ADAMTSL1: variants seen among roughly 807,000 people sequenced by gnomAD.
ADAMTSL1 encodes the protein ADAMTS like 1.
ADAMTSL1 carries 126 observed loss-of-function variants against 201.8 expected under a neutral mutation model. The observed-to-expected ratio is 0.62, with a 90% CI of 0.54 to 0.72. The LOEUF (loss-of-function observed/expected upper bound fraction) is 0.72. Among genes scored for constraint, ADAMTSL1 ranks in the 30% least tolerant of loss-of-function variants. The pLI is 0.00. For synonymous variants in ADAMTSL1, 1,121 were observed against 903.4 expected (o/e 1.24, Z -4.32); for missense variants, 2,679 against 2,277.8 (o/e 1.18, Z -3.59).
rs187713627 is a variant in ADAMTSL1 at position 18,501,101 on chromosome 9, C to G, written c.64-3728C>G. On this transcript the variant is annotated intron_variant, in intron 1 of 28. Transcript: ENST00000380548. Reference sequence around the variant, plus strand: ...GCAATCAGCGTTACTTTTAGGCGACCCATTATCTACTCTTTATTTTTCTTC... The same window carrying G: ...GCAATCAGCGTTACTTTTAGGCGACGCATTATCTACTCTTTATTTTTCTTC... Among the ~76,000 whole-genome samples, 4 of 152,244 alleles carry G rather than the reference C, an allele frequency of 2.6e-5. No homozygotes were observed. In the East Asian group the frequency reaches 5.8e-4, roughly 22 times the overall value.
intron 9 of ADAMTSL1, among the ~76,000 whole-genome samples, chr9:18,670,095 A>T (rs1024913212): frequency 6.6e-6 from 1 of 152,178 alleles, no homozygotes; most frequent in African/African-American, 2.4e-5. Flanking sequence ...GGTTGTCTAG[A>T]GAAGATGGAG....
chr9:18,533,791 G>T (rs893434820), intron 3 of ADAMTSL1, among the ~76,000 whole-genome samples: 9 of 152,206 alleles, frequency 5.9e-5, no homozygotes, highest in African/African-American at 2.2e-4. Context: ...GAAGACAGAT[G>T]TGCATTGCAC....
chr9:18,671,198 G>T (rs961697038), intron 9 of ADAMTSL1, among the ~76,000 whole-genome samples: 3 of 152,168 alleles, frequency 2.0e-5, no homozygotes, highest in African/African-American at 7.2e-5. Context: ...TTAAAAGTGA[G>T]GAGAGGAGTT....
chr9:18,171,539 A>T (rs1827890665), intron 2 of ADAMTSL1, among the ~76,000 whole-genome samples: 1 of 152,096 alleles, frequency 6.6e-6, no homozygotes, highest in African/African-American at 2.4e-5. Flanking sequence ...CTGGCAAAAA[A>T]ATATGTAATA....
intron 13 of ADAMTSL1, among the ~76,000 whole-genome samples, chr9:18,686,221 C>T (rs1348156508): frequency 1.3e-5 from 2 of 152,168 alleles, no homozygotes; most frequent in South Asian, 2.1e-4. Flanking sequence ...GCGCCTGGCC[C>T]GGGAAAACAC....
intron 2 of ADAMTSL1, among the ~76,000 whole-genome samples, chr9:18,249,025 C>T (rs77907068): frequency 0.012 from 1,817 of 152,136 alleles, 48 homozygotes; most frequent in African/African-American, 0.042. Flanking sequence ...GATTGAGCGA[C>T]GATAGACTGA....
At chr9:18,692,755 A>T (rs1831307971) in intron 13 of ADAMTSL1, among the ~76,000 whole-genome samples, 1 of 152,218 alleles carries the variant, frequency 6.6e-6, no homozygotes, top group African/African-American at 2.4e-5. Context: ...AGTCAGGGAA[A>T]ATGTTATGCA....
intron 2 of ADAMTSL1, among the ~76,000 whole-genome samples, chr9:18,341,256 T>C (rs1055907827): frequency 6.6e-6 from 1 of 152,144 alleles, no homozygotes; most frequent in Non-Finnish European, 1.5e-5. Flanking sequence ...TCTTTCAGGC[T>C]CTCTGGTCCA....
intron 2 of ADAMTSL1, among the ~76,000 whole-genome samples, chr9:18,326,429 A>G (rs12336154): frequency 0.11 from 13,499 of 117,644 alleles, 805 homozygotes; most frequent in East Asian, 0.28. Flanking sequence ...GTAATTTTTT[A>G]CCTAAAAAAA....
At chr9:18,807,660 A>AAAAG in intron 20 of ADAMTSL1, among the ~76,000 whole-genome samples, 1 of 83,624 alleles carries the variant, frequency 1.2e-5, no homozygotes, top group East Asian at 5.0e-4. Flanking sequence ...AAAAAAAAAC[A>AAAAG]AAAAAAAAAC....
intron 1 of ADAMTSL1, among the ~76,000 whole-genome samples, chr9:17,984,319 T>C (rs989350528): frequency 1.3e-5 from 2 of 152,118 alleles, no homozygotes; most frequent in African/African-American, 4.8e-5. Flanking sequence ...TCCTTCCCAA[T>C]GACTAGCTGG....
At chr9:18,283,934 G>C (rs368022818) in intron 2 of ADAMTSL1, among the ~76,000 whole-genome samples, 2 of 47,816 alleles carry the variant, frequency 4.2e-5, no homozygotes, top group Admixed American at 2.7e-4. Context: ...AAAAAAAGAA[G>C]AAGAAGAAGA....
At chr9:18,192,018 C>T (rs540006689) in intron 2 of ADAMTSL1, among the ~76,000 whole-genome samples, 7 of 152,180 alleles carry the variant, frequency 4.6e-5, no homozygotes, top group East Asian at 1.9e-4. Context: ...ATGATCGTTA[C>T]GGTGTTTGAC....
chr9:18,842,762 T>C (rs1042339974), intron 23 of ADAMTSL1, among the ~76,000 whole-genome samples: 3 of 152,232 alleles, frequency 2.0e-5, no homozygotes, highest in Non-Finnish European at 4.4e-5. Context: ...GCTCTTCTTG[T>C]TGAATTGATC....
intron 2 of ADAMTSL1, among the ~76,000 whole-genome samples, chr9:18,326,353 T>C (rs1245247687): frequency 1.3e-5 from 2 of 152,124 alleles, no homozygotes; most frequent in East Asian, 3.9e-4. Context: ...GTGGTGGTGA[T>C]GTGGATGTAT....
intron 1 of ADAMTSL1, among the ~76,000 whole-genome samples, chr9:18,475,141 CATCTG>C (rs1383267970): frequency 6.6e-6 from 1 of 152,174 alleles, no homozygotes; most frequent in Admixed American, 6.6e-5. Context: ...TAGTAAACCT[CATCTG>C]AAGGTTTGAT....
chr9:18,868,236 T>C (rs1276834608), intron 23 of ADAMTSL1, among the ~76,000 whole-genome samples: 2 of 152,224 alleles, frequency 1.3e-5, no homozygotes, highest in African/African-American at 4.8e-5. Flanking sequence ...CTTAACATAT[T>C]TTAACACTCT....
intron 11 of ADAMTSL1, 62 bp downstream of exon 11, chr9:18,680,578 A>T (rs774190001): frequency 6.3e-7 from 1 of 1,575,844 alleles, no homozygotes; most frequent in Non-Finnish European, 8.7e-7. Context: ...TCTCATCATC[A>T]TGGCCCCACC....
intron 1 of ADAMTSL1, among the ~76,000 whole-genome samples, chr9:17,941,750 A>G (rs138167952): frequency 6.6e-6 from 1 of 152,108 alleles, no homozygotes; most frequent in African/African-American, 2.4e-5. Context: ...ATAATACACT[A>G]CTTGTAGACT....
Sources: allele counts gnomAD v4.1 joint callset (sites outside exome capture counted in the v4.1 genomes callset), GRCh38; gene constraint gnomAD v4.1.1; transcripts MANE v1.5; gene names NCBI Gene and HGNC (gene_info 2026-07-23, HGNC 2026-07-21).